Variants in SCIN observed in about 807,000 individuals in gnomAD.
SCIN encodes the protein scinderin.
SCIN carries 91 observed loss-of-function variants against 91.8 expected under a neutral mutation model. The ratio of observed to expected loss-of-function variants is 0.99; its 90% CI spans 0.84 to 1.18. SCIN has a LOEUF of 1.18. Among genes scored for constraint, SCIN ranks in the 50% most tolerant of loss-of-function variants. The pLI, the probability that SCIN is intolerant of heterozygous loss-of-function variation, is 0.00. For synonymous variants in SCIN, 367 were observed against 312.6 expected (o/e 1.17, Z -1.84); for missense variants, 1,087 against 863.9 (o/e 1.26, Z -3.24).
At chr7:12,608,028 T>C (rs1783114219) in intron 4 of SCIN, among the ~76,000 whole-genome samples, 1 of 152,234 alleles carries the variant, frequency 6.6e-6, no homozygotes, top group South Asian at 2.1e-4. Flanking sequence ...GCTCACATTA[T>C]AGCTATTGTA....
intron 5 of SCIN, among the ~76,000 whole-genome samples, chr7:12,623,889 G>A (rs886318745): frequency 3.3e-5 from 5 of 152,012 alleles, no homozygotes; most frequent in Admixed American, 2.0e-4. Flanking sequence ...ATTTTAATAT[G>A]AGCCATACAG....
intron 3 of SCIN, among the ~76,000 whole-genome samples, chr7:12,584,031 G>C (rs569934067): frequency 1.0e-3 from 159 of 152,230 alleles, no homozygotes; most frequent in African/African-American, 3.6e-3. Context: ...TCAAGCACCA[G>C]ATTCCTACAT....
At chr7:12,584,057 C>T (rs1200205276) in intron 3 of SCIN, among the ~76,000 whole-genome samples, 1 of 152,094 alleles carries the variant, frequency 6.6e-6, no homozygotes, top group Non-Finnish European at 1.5e-5. Flanking sequence ...ATGGCAAATA[C>T]CTCCAGGATC....
chr7:12,626,914 AC>A, intron 8 of SCIN, 115 bp downstream of exon 8: 1 of 891,432 alleles, frequency 1.1e-6, no homozygotes, highest in Non-Finnish European at 1.7e-6. Context: ...ACATGGTGAA[AC>A]CCCACCTCTA....
intron 4 of SCIN, among the ~76,000 whole-genome samples, chr7:12,610,375 A>G (rs939151373): frequency 6.6e-5 from 10 of 152,208 alleles, no homozygotes; most frequent in Non-Finnish European, 1.2e-4. Context: ...AAAGCCTGTT[A>G]AGGCAAAGAG....
intron 6 of SCIN, 88 bp downstream of exon 6, chr7:12,625,230 A>G: frequency 8.1e-7 from 1 of 1,229,866 alleles, no homozygotes; most frequent in Non-Finnish European, 1.1e-6. Flanking sequence ...TGATTTTAAA[A>G]AAAAGCCCAC....
intron 4 of SCIN, among the ~76,000 whole-genome samples, chr7:12,617,161 T>G (rs1197380546): frequency 6.6e-6 from 1 of 152,012 alleles, no homozygotes; most frequent in Non-Finnish European, 1.5e-5. Context: ...ACAGAAAGAG[T>G]AATGCTTTGA....
chr7:12,624,849 A>G (rs762823632), intron 5 of SCIN, among the ~76,000 whole-genome samples, 161 bp from the exon 6 acceptor site: 2 of 152,166 alleles, frequency 1.3e-5, no homozygotes, highest in African/African-American at 2.4e-5. Flanking sequence ...TTTTATTGAG[A>G]TATAATTTAT....
chr7:12,626,843 G>A, intron 8 of SCIN, 44 bp downstream of exon 8: 4 of 1,488,118 alleles, frequency 2.7e-6, no homozygotes, highest in Non-Finnish European at 3.7e-6. Flanking sequence ...TAATGCCAGT[G>A]TATGTAGGGG....
intron 9 of SCIN, among the ~76,000 whole-genome samples, chr7:12,630,110 A>G (rs1783611750): frequency 6.6e-6 from 1 of 152,032 alleles, no homozygotes; most frequent in Admixed American, 6.6e-5. Flanking sequence ...CTCTGCTGAT[A>G]TGGTGACATT....
intron 11 of SCIN, among the ~76,000 whole-genome samples, chr7:12,642,549 CT>C (rs1304225544): frequency 6.6e-6 from 1 of 150,964 alleles, no homozygotes; most frequent in Non-Finnish European, 1.5e-5. Context: ...ACCATCTCTA[CT>C]TTTTAAAGCC....
chr7:12,571,172 C>T (rs1009113617), intron 1 of SCIN, 187 bp downstream of exon 1: 9 of 639,480 alleles, frequency 1.4e-5, no homozygotes, highest in African/African-American at 3.7e-5. Flanking sequence ...CGGCTGCAAA[C>T]GCGGGGCTCA....
chr7:12,631,372 G>C (rs532140862), intron 9 of SCIN, among the ~76,000 whole-genome samples: 50 of 152,248 alleles, frequency 3.3e-4, no homozygotes, highest in African/African-American at 1.2e-3. Flanking sequence ...GTAAGATCAA[G>C]TTGAGTGATC....
rs758343950 is a variant in SCIN, at chr7:12,644,669, G to A, written c.1845G>A (p.Arg615=). The change falls in exon 13 of 16, where the codon CGG becomes CGA. Residue 615 remains arginine, a synonymous_variant. Coordinates refer to ENST00000297029, the MANE Select transcript of SCIN (RefSeq NM_001112706.3). ...CCCAGGCTGAAGACCATCCACCTCG[G>A]CTTTACGGCTGCTCTAACAAAACTG... ...LETQAEDHPP[R]LYGCSNKTGR... 1 of 1,586,842 alleles carries A rather than the reference G, an allele frequency of 6.3e-7. No homozygotes were observed. The highest frequency in any genetic ancestry group is 1.1e-5 in the South Asian group (1 of 87,158).
intron 9 of SCIN, among the ~76,000 whole-genome samples, chr7:12,631,060 A>G (rs753376370): frequency 6.6e-6 from 1 of 152,252 alleles, no homozygotes; most frequent in Non-Finnish European, 1.5e-5. Context: ...AAGACTAAGC[A>G]AGTAATGCAA....
intron 11 of SCIN, among the ~76,000 whole-genome samples, chr7:12,642,471 A>G (rs979281083): frequency 6.6e-6 from 1 of 151,976 alleles, no homozygotes; most frequent in Non-Finnish European, 1.5e-5. Flanking sequence ...CAGCTACTGC[A>G]TCATTTCTCT....
chr7:12,594,034 G>C (rs1782784308), intron 3 of SCIN, among the ~76,000 whole-genome samples: 1 of 152,240 alleles, frequency 6.6e-6, no homozygotes, highest in Admixed American at 6.5e-5. Context: ...CGTAGAAGGA[G>C]AAAGGGACGT....
At chr7:12,586,429 A>G (rs1236774411) in intron 3 of SCIN, among the ~76,000 whole-genome samples, 1 of 152,220 alleles carries the variant, frequency 6.6e-6, no homozygotes, top group African/African-American at 2.4e-5. Context: ...CACACACAGA[A>G]AAGACAAATG....
At chr7:12,571,105 C>G (rs899957378) in intron 1 of SCIN, 120 bp downstream of exon 1, 1 of 1,135,794 alleles carries the variant, frequency 8.8e-7, no homozygotes, top group African/African-American at 1.6e-5. Context: ...GCCACTCGCG[C>G]CCCCACGGGG....
Sources: gnomAD v4.1 joint callset for allele counts (sites outside exome capture counted in the v4.1 genomes callset) on GRCh38, gnomAD v4.1.1 for gene constraint, MANE v1.5 for transcripts, NCBI Gene and HGNC (gene_info 2026-07-23, HGNC 2026-07-21) for gene names.